LARGE1: variants seen among roughly 807,000 people sequenced by gnomAD.
LARGE1 encodes the protein xylosyl- and glucuronyltransferase LARGE1.
Under a neutral mutation model 87.6 loss-of-function variants are expected in LARGE1, and 43 were observed. The ratio of observed to expected loss-of-function variants is 0.49; its 90% CI spans 0.38 to 0.63. LARGE1 has a LOEUF of 0.63. LARGE1 is among the 30% of genes least tolerant of loss of function. LARGE1 has a pLI of 0.00. For missense variants in LARGE1, 802 were observed against 1,000.2 expected (o/e 0.80, Z 2.67); for synonymous variants, 434 against 394.6 (o/e 1.10, Z -1.18).
chr22:33,764,309 G>A (rs2084830517), intron 1 of LARGE1, among the ~76,000 whole-genome samples: 1 of 152,100 alleles, frequency 6.6e-6, no homozygotes, highest in Non-Finnish European at 1.5e-5. Context: ...GTTCTCCCTA[G>A]GGATCTGTGA....
chr22:33,098,040 C>T, the LARGE1 span, among the ~76,000 whole-genome samples: 1 of 152,184 alleles, frequency 6.6e-6, no homozygotes, highest in Non-Finnish European at 1.5e-5. Context: ...GGCACAGTGG[C>T]TTACACCTGC....
intron 6 of LARGE1, among the ~76,000 whole-genome samples, chr22:33,515,024 A>G (rs2071234510): frequency 6.6e-6 from 1 of 152,196 alleles, no homozygotes; most frequent in African/African-American, 2.4e-5. Flanking sequence ...GCTATTGAAA[A>G]TAAAAACAAA....
intron 1 of LARGE1, among the ~76,000 whole-genome samples, chr22:33,918,814 G>A (rs1420604686): frequency 6.6e-6 from 1 of 152,160 alleles, no homozygotes; most frequent in Non-Finnish European, 1.5e-5. Context: ...CCACACCTGT[G>A]TCAGAGAAGA....
intron 1 of LARGE1, among the ~76,000 whole-genome samples, chr22:33,802,985 C>A (rs1027190350): frequency 1.3e-5 from 2 of 152,128 alleles, no homozygotes; most frequent in Non-Finnish European, 2.9e-5. Flanking sequence ...GGTAGACAGA[C>A]AATTGGATGG....
At chr22:33,652,218 C>T (rs1257035060) in intron 2 of LARGE1, among the ~76,000 whole-genome samples, 1 of 152,012 alleles carries the variant, frequency 6.6e-6, no homozygotes, top group Non-Finnish European at 1.5e-5. Flanking sequence ...AACTGAGGCA[C>T]AGAGACGATA....
intron 5 of LARGE1, among the ~76,000 whole-genome samples, chr22:33,598,525 GC>G (rs2079036488): frequency 6.6e-6 from 1 of 151,602 alleles, no homozygotes; most frequent in Non-Finnish European, 1.5e-5. Flanking sequence ...CCTCCCCCAG[GC>G]CCCCACCCCC....
chr22:33,490,004 C>A (rs991553950), intron 6 of LARGE1, among the ~76,000 whole-genome samples: 2 of 152,202 alleles, frequency 1.3e-5, no homozygotes, highest in African/African-American at 4.8e-5. Context: ...AACACGGTTT[C>A]CCCGCCTTGT....
chr22:33,293,034 G>A (rs1048975293), intron 12 of LARGE1, among the ~76,000 whole-genome samples: 1 of 152,212 alleles, frequency 6.6e-6, no homozygotes, highest in Non-Finnish European at 1.5e-5. Context: ...ATAGCTCACA[G>A]TGTAGGGAGG....
At chr22:33,845,686 T>A (rs1486368602) in intron 1 of LARGE1, among the ~76,000 whole-genome samples, 1 of 152,144 alleles carries the variant, frequency 6.6e-6, no homozygotes, top group Non-Finnish European at 1.5e-5. Flanking sequence ...AACATTTGTA[T>A]TATGAAAAAT....
chr22:33,228,592 G>C (rs1226594479), intron 11 of LARGE1, among the ~76,000 whole-genome samples: 1 of 152,202 alleles, frequency 6.6e-6, no homozygotes, highest in African/African-American at 2.4e-5. Flanking sequence ...ATTGGTCAAA[G>C]TCAGGAAAAA....
chr22:33,483,150 C>T (rs2069404948), intron 6 of LARGE1, among the ~76,000 whole-genome samples: 1 of 152,176 alleles, frequency 6.6e-6, no homozygotes, highest in South Asian at 2.1e-4. Context: ...TCTTGGCTGG[C>T]CCGCCTTCCA....
At chr22:33,649,641 G>A (rs1369122246) in intron 3 of LARGE1, among the ~76,000 whole-genome samples, 1 of 152,124 alleles carries the variant, frequency 6.6e-6, no homozygotes, top group Non-Finnish European at 1.5e-5. Context: ...ACTAAAGCTG[G>A]GATATGAATT....
chr22:33,067,984 A>G, the LARGE1 span, among the ~76,000 whole-genome samples: 2 of 152,116 alleles, frequency 1.3e-5, no homozygotes, highest in Admixed American at 1.3e-4. Flanking sequence ...TCTCAAAAAA[A>G]AAAAAGACTT....
At chr22:33,858,382 T>A (rs1292638899) in intron 1 of LARGE1, among the ~76,000 whole-genome samples, 1 of 151,730 alleles carries the variant, frequency 6.6e-6, no homozygotes, top group Non-Finnish European at 1.5e-5. Context: ...TTTAACAGAG[T>A]GAAAACAGAG....
intron 10 of LARGE1, among the ~76,000 whole-genome samples, chr22:33,332,265 A>G (rs1175978016): frequency 6.6e-6 from 1 of 152,104 alleles, no homozygotes. Context: ...ATGATAGTGA[A>G]TAAGTCTCAT....
chr22:33,556,571 G>GAGGAAGGGAGGGAGA (rs2077694281), intron 6 of LARGE1, among the ~76,000 whole-genome samples: 1 of 58,434 alleles, frequency 1.7e-5, no homozygotes, highest in African/African-American at 5.0e-5. Context: ...AGGGAGGCAG[G>GAGGAAGGGAGGGAGA]CAGGCAGGCA....
At chr22:33,444,209 T>C (rs1007314185) in intron 6 of LARGE1, among the ~76,000 whole-genome samples, 3 of 152,238 alleles carry the variant, frequency 2.0e-5, no homozygotes, top group Non-Finnish European at 4.4e-5. Flanking sequence ...CAAACTTTAA[T>C]TTTTATTTTT....
At chr22:33,302,058 T>TC (rs1569030292) in intron 12 of LARGE1, among the ~76,000 whole-genome samples, 1 of 151,916 alleles carries the variant, frequency 6.6e-6, no homozygotes, top group Non-Finnish European at 1.5e-5. Flanking sequence ...TGGGCAGGGG[T>TC]CCAATCCTGA....
At chr22:33,259,470 C>T (rs561972132) in intron 11 of LARGE1, among the ~76,000 whole-genome samples, 1 of 151,970 alleles carries the variant, frequency 6.6e-6, no homozygotes, top group Non-Finnish European at 1.5e-5. Flanking sequence ...CCTTCCATTT[C>T]TCTGCAAGCC....
Sources: allele counts gnomAD v4.1 joint callset (sites outside exome capture counted in the v4.1 genomes callset), GRCh38; gene constraint gnomAD v4.1.1; transcripts MANE v1.5; gene names NCBI Gene and HGNC (gene_info 2026-07-23, HGNC 2026-07-21).